The following PIEZO2 variants were observed in gnomAD, a reference collection of about 807,000 sequenced individuals.
PIEZO2 encodes piezo type mechanosensitive ion channel component 2.
PIEZO2 carries 172 observed loss-of-function variants against 337.3 expected under a neutral mutation model. The observed-to-expected ratio is 0.51, with a 90% confidence interval of 0.45 to 0.58. PIEZO2 has a LOEUF of 0.58. PIEZO2 is among the 20% of genes least tolerant of loss of function. PIEZO2 has a pLI of 0.00. For synonymous variants in PIEZO2, 1,251 were observed against 1,228.5 expected (o/e 1.02, Z -0.38); for missense variants, 3,028 against 3,391.3 (o/e 0.89, Z 2.66).
At chr18:10,736,579 A>G in intron 34 of PIEZO2, 25 bp downstream of exon 34, 1 of 1,536,812 alleles carries the variant, frequency 6.5e-7, no homozygotes, top group Admixed American at 2.0e-5. Flanking sequence ...CCAACTAGCA[A>G]AGAAATGATT....
chr18:10,696,485 C>T lies in PIEZO2; in HGVS notation c.6882G>A (p.Pro2294=), dbSNP rs753479005. 18 of 1,613,966 alleles carry T rather than the reference C, an allele frequency of 1.1e-5. No individual in the cohort carries two copies. In the Admixed American group the frequency reaches 1.7e-4, roughly 15 times the overall value. The change falls in exon 46 of 56, where the codon CCG becomes CCA. Residue 2294 remains proline (P), a synonymous_variant. Transcript: ENST00000674853. ...ACACGTCAGTCACGGCGCTATACTC[C>T]GGGTGGATGAGGTTGTAAAAGAACT... ...IKQFFYNLIH[P]EYSAVTDVYV...
At chr18:11,113,132 T>C (rs2039784383) in intron 1 of PIEZO2, among the ~76,000 whole-genome samples, 1 of 152,194 alleles carries the variant, frequency 6.6e-6, no homozygotes, top group Admixed American at 6.5e-5. Flanking sequence ...TTTATGCTCC[T>C]GGAAAACAGC....
In PIEZO2 at chr18:11,009,853, C is replaced by T. The variant is rs1005739984; in HGVS notation, c.161-30193G>A. Among the ~76,000 whole-genome samples the T allele has an allele frequency of 2.0e-5, 3 of 151,998 alleles. No individual in the cohort carries two copies. The highest frequency in any genetic ancestry group is 2.1e-4 in the South Asian group (1 of 4,786). On this transcript the variant is annotated intron_variant, in intron 2 of 55. Transcript: ENST00000674853. The surrounding 1 kb of genome is among the most constrained non-coding windows in gnomAD (Gnocchi z 4.6). ...ACGCGGACAGGCACAGAAGGGAGAC[C>T]GCATGGAGACACAAAGAGAAGACAG...
intron 1 of PIEZO2, among the ~76,000 whole-genome samples, chr18:11,090,423 A>G (rs1490230907): frequency 6.6e-6 from 1 of 152,248 alleles, no homozygotes; most frequent in Non-Finnish European, 1.5e-5. Context: ...AGGCCACTCA[A>G]TGCAGGATGC....
chr18:10,862,844 T>C lies in PIEZO2; in HGVS notation c.493-5633A>G, dbSNP rs1209932992. 1.3e-5 allele frequency among the ~76,000 whole-genome samples: 2 copies of C among 152,108 alleles called. No homozygotes were observed. Among genetic ancestry groups the C allele is most frequent in the Admixed American group, 6.5e-5 (1 of 15,284 alleles). On this transcript the variant is annotated intron_variant, in intron 5 of 55. Coordinates refer to ENST00000674853, the MANE Select transcript of PIEZO2 (RefSeq NM_001378183.1). This position sits in a 1 kb window ranked among gnomAD's most constrained non-coding sequence, Gnocchi z 4.4. Reference sequence around the variant, plus strand: ...AATTCTCCATAGGGGTTCAGCTGAATAGGCACAATTTGAAAATATATTTTT... The same window carrying C: ...AATTCTCCATAGGGGTTCAGCTGAACAGGCACAATTTGAAAATATATTTTT...
In PIEZO2 at chr18:11,101,250, G is replaced by A. The variant is rs927819509; in HGVS notation, c.65-35028C>T. ...CCTAATCCTCAAGAACACTCCTTCC[G>A]ACTTCCAAACTTCCTCTGGAGTTCT... is the stretch of plus-strand genomic sequence containing the variant. On this transcript the variant is annotated intron_variant, in intron 1 of 55. Transcript: ENST00000674853. The surrounding 1 kb of genome is among the most constrained non-coding windows in gnomAD (Gnocchi z 4.4). Among the ~76,000 whole-genome samples, 1 of 152,156 alleles carries A rather than the reference G, an allele frequency of 6.6e-6. No homozygotes were observed. Among genetic ancestry groups the A allele is most frequent in the African/African-American group, 2.4e-5 (1 of 41,454 alleles).
At chr18:10,920,679 A>G (rs1404378361) in intron 3 of PIEZO2, among the ~76,000 whole-genome samples, 4 of 152,156 alleles carry the variant, frequency 2.6e-5, no homozygotes, top group Admixed American at 2.6e-4. Flanking sequence ...AAGACGGCCA[A>G]TCATAGAATC....
chr18:10,696,477 C>T lies in PIEZO2; in HGVS notation c.6890G>A (p.Ser2297Asn). The T allele has an allele frequency of 6.2e-7, 1 of 1,614,144 alleles. No individual in the cohort carries two copies. Among genetic ancestry groups the T allele is most frequent in the Non-Finnish European group, 8.5e-7 (1 of 1,180,024 alleles). ...FFYNLIHPEY[S>N]AVTDVYVLMF... ...GAGTACATACACGTCAGTCACGGCG[C>T]TATACTCCGGGTGGATGAGGTTGTA... Residue 2297 changes from serine (S) to asparagine (N), a missense_variant, in exon 46 of 56, where the codon AGC (serine) becomes AAC (asparagine). Physicochemically the swap from Ser to Asn is conservative, Grantham distance 46. Around this residue, in one of 5 missense-constraint regions of PIEZO2, gnomAD observed 1,925 missense variants for 2,051.9 expected, o/e 0.94. Coordinates refer to ENST00000674853, the MANE Select transcript of PIEZO2 (RefSeq NM_001378183.1).
chr18:10,754,776 T>G (rs1474212373), intron 27 of PIEZO2, among the ~76,000 whole-genome samples: 2 of 152,216 alleles, frequency 1.3e-5, no homozygotes, highest in Admixed American at 1.3e-4. Context: ...CCTGATTTAC[T>G]CAGTTCATAT....
intron 7 of PIEZO2, among the ~76,000 whole-genome samples, chr18:10,826,810 C>G (rs748794180): frequency 1.3e-5 from 2 of 152,208 alleles, no homozygotes; most frequent in African/African-American, 2.4e-5. Flanking sequence ...CGGTACCATA[C>G]AGAATAATGT....
chr18:10,826,268 C>T (rs545174287), intron 7 of PIEZO2, among the ~76,000 whole-genome samples: 2 of 152,258 alleles, frequency 1.3e-5, no homozygotes, highest in South Asian at 4.2e-4. Context: ...TGCATATACG[C>T]AGATATAGAA....
At chr18:10,702,690 T>G (rs1288152160) in intron 42 of PIEZO2, among the ~76,000 whole-genome samples, 1 of 152,206 alleles carries the variant, frequency 6.6e-6, no homozygotes, top group Non-Finnish European at 1.5e-5. Flanking sequence ...GAAATGAATA[T>G]TTGCTTTCTA....
rs117532090 is a variant in PIEZO2, at chr18:10,726,360, C to T, written c.5029+5047G>A. 5.0e-3 allele frequency: 7,527 copies of T among 1,509,322 alleles called. 297 individuals are homozygous for T. In the East Asian group the frequency reaches 0.098, roughly 20 times the overall value. The allele number at this position is 1,509,322 out of a possible 1,614,324, so 93.5% of individuals were successfully genotyped here. On this transcript the variant is annotated intron_variant, in intron 36 of 55. Coordinates refer to ENST00000674853, the MANE Select transcript of PIEZO2 (RefSeq NM_001378183.1). This position sits in a 1 kb window ranked among gnomAD's most constrained non-coding sequence, Gnocchi z 5.9. ...CCCAGCGCTGCCTCCCTTCGCCTTC[C>T]CCGCAGGCACCCACTACCTGCGGGG...
Position 10,894,128 on chromosome 18 carries a change from G to A in PIEZO2, c.329+17058C>T, listed in dbSNP as rs28692519. Among the ~76,000 whole-genome samples the A allele has an allele frequency of 0.045, 6,905 of 152,226 alleles. 244 individuals are homozygous for A. The highest frequency in any genetic ancestry group is 0.11 in the Middle Eastern group (31 of 294). ...GCAGCTTCCTGATAAAATCCCAGGA[G>A]GTGGGTGAATGGGCTCAAGCATGTG... On this transcript the variant is annotated intron_variant, in intron 4 of 55. Transcript: ENST00000674853. The surrounding 1 kb of genome is among the most constrained non-coding windows in gnomAD (Gnocchi z 4.1).
At chr18:11,138,913 A>T (rs956636736) in intron 1 of PIEZO2, among the ~76,000 whole-genome samples, 7 of 152,202 alleles carry the variant, frequency 4.6e-5, no homozygotes, top group African/African-American at 1.7e-4. Flanking sequence ...AGACAAGACC[A>T]TTCTCAACTT....
In PIEZO2 at chr18:10,903,320, C is replaced by G. The variant is rs529538203; in HGVS notation, c.329+7866G>C. Among the ~76,000 whole-genome samples, 4 of 152,258 alleles carry G rather than the reference C, an allele frequency of 2.6e-5. No individual in the cohort carries two copies. In the East Asian group the frequency reaches 7.7e-4, roughly 29 times the overall value. On this transcript the variant is annotated intron_variant, in intron 4 of 55. Transcript: ENST00000674853. The surrounding 1 kb of genome is among the most constrained non-coding windows in gnomAD (Gnocchi z 4.1). ...TCGAGTGACATTTCTAGAAGCACAT[C>G]TAAGCTTACCTTCTCTGGGGTTTAC... is the stretch of plus-strand genomic sequence containing the variant.
rs1457567941 is a variant in PIEZO2 at position 10,707,191 on chromosome 18, T to C, written c.5588+1084A>G. Among the ~76,000 whole-genome samples, 2 of 152,146 alleles carry C rather than the reference T, an allele frequency of 1.3e-5. No individual in the cohort carries two copies. Among genetic ancestry groups the C allele is most frequent in the Non-Finnish European group, 2.9e-5 (2 of 68,020 alleles). On this transcript the variant is annotated intron_variant, in intron 40 of 55. Coordinates refer to ENST00000674853, the MANE Select transcript of PIEZO2 (RefSeq NM_001378183.1). This position sits in a 1 kb window ranked among gnomAD's most constrained non-coding sequence, Gnocchi z 4.2. ...CTAGGAGGGCCATGCCATTGACCCA[T>C]TGCCCAGGGAACTTGCAGACTACTG... is the stretch of plus-strand genomic sequence containing the variant.
intron 7 of PIEZO2, among the ~76,000 whole-genome samples, chr18:10,841,406 G>A (rs752476342): frequency 1.3e-5 from 2 of 152,126 alleles, no homozygotes; most frequent in Non-Finnish European, 2.9e-5. Context: ...GAGCCACAGT[G>A]GGGGAGGCCA....
At position 11,103,802 on chromosome 18, in the gene PIEZO2, T is replaced by C. The variant is rs574462655; in HGVS notation, c.65-37580A>G. Among the ~76,000 whole-genome samples, 1,195 of 151,536 alleles carry C rather than the reference T, an allele frequency of 7.9e-3. 16 individuals carry two copies. The highest frequency in any genetic ancestry group is 0.027 in the African/African-American group (1,107 of 41,196). ...GATGCTGGTCGTGTGTGTGTGTGTG[T>C]GTGTGTGCGTGTGTGCGTGTGTGCG... On this transcript the variant is annotated intron_variant, in intron 1 of 55. Coordinates refer to ENST00000674853, the MANE Select transcript of PIEZO2 (RefSeq NM_001378183.1).
Sources: allele counts gnomAD v4.1 joint callset (sites outside exome capture counted in the v4.1 genomes callset), GRCh38; gene constraint gnomAD v4.1.1; regional missense constraint gnomAD v4.1.1; non-coding constraint Gnocchi (gnomAD v3.1); transcripts MANE v1.5; gene names NCBI Gene and HGNC (gene_info 2026-07-23, HGNC 2026-07-21).